The following PDGFD variants were observed in gnomAD, a reference collection of about 807,000 sequenced individuals.
The protein encoded by PDGFD is platelet derived growth factor D, also known as platelet-derived growth factor D.
In PDGFD, 30 loss-of-function variants were observed where a neutral mutation model predicts 44.7. The observed-to-expected ratio is 0.67, with a 90% CI of 0.50 to 0.91. PDGFD has a LOEUF of 0.91. Among genes scored for constraint, PDGFD ranks in the 40% least tolerant of loss-of-function variants. The probability of loss-of-function intolerance (pLI) is 0.00; values close to 1 mark genes in which losing one functional copy is unlikely to be tolerated. For missense variants in PDGFD, 445 were observed against 457.8 expected (o/e 0.97, Z 0.25); for synonymous variants, 173 against 168.4 (o/e 1.03, Z -0.21).
At chr11:104,037,672 C>G in intron 1 of PDGFD, 2 of 1,614,028 alleles carry the variant, frequency 1.2e-6, no homozygotes, top group East Asian at 2.2e-5. Context: ...GCTGGTGGAC[C>G]GACGGTGGGC....
intron 3 of PDGFD, among the ~76,000 whole-genome samples, chr11:103,960,321 GGATTAGCTGA>G (rs1195936640): frequency 5.9e-5 from 9 of 152,206 alleles, no homozygotes; most frequent in African/African-American, 1.9e-4. Flanking sequence ...CCACGCCCAA[GGATTAGCTGA>G]GATATTCTTT....
chr11:104,129,642 A>G (rs576001756), intron 1 of PDGFD, among the ~76,000 whole-genome samples: 2 of 152,294 alleles, frequency 1.3e-5, no homozygotes, highest in Non-Finnish European at 2.9e-5. Flanking sequence ...ATCCTCCTAA[A>G]GAAGAAACTT....
At chr11:104,085,661 A>G (rs12790733) in intron 1 of PDGFD, among the ~76,000 whole-genome samples, 1 of 152,304 alleles carries the variant, frequency 6.6e-6, no homozygotes, top group East Asian at 1.9e-4. Flanking sequence ...AAATACTGAT[A>G]TTTTCAAAAT....
intron 1 of PDGFD, among the ~76,000 whole-genome samples, chr11:104,136,288 C>G (rs1339663657): frequency 6.6e-6 from 1 of 152,134 alleles, no homozygotes; most frequent in East Asian, 1.9e-4. Flanking sequence ...TCTAAAGAAA[C>G]AAAGTATTTC....
At chr11:104,092,526 G>A (rs1019996164) in intron 1 of PDGFD, among the ~76,000 whole-genome samples, 2 of 151,996 alleles carry the variant, frequency 1.3e-5, no homozygotes, top group African/African-American at 4.8e-5. Flanking sequence ...CAACTGAAAC[G>A]ATATTCTGAC....
chr11:104,129,135 CA>C (rs766784653), intron 1 of PDGFD, among the ~76,000 whole-genome samples: 1 of 152,006 alleles, frequency 6.6e-6, no homozygotes, highest in Non-Finnish European at 1.5e-5. Flanking sequence ...AGGAACCTGA[CA>C]GAGCATAATA....
chr11:103,931,083 GGACA>G (rs1858393222), intron 5 of PDGFD, among the ~76,000 whole-genome samples: 1 of 152,032 alleles, frequency 6.6e-6, no homozygotes, highest in Non-Finnish European at 1.5e-5. Context: ...AGTTTCTGTA[GGACA>G]GATAAAACCA....
chr11:104,118,058 A>G (rs1861667215), intron 1 of PDGFD, among the ~76,000 whole-genome samples: 1 of 151,944 alleles, frequency 6.6e-6, no homozygotes, highest in South Asian at 2.1e-4. Flanking sequence ...ATTAATTCCA[A>G]GAGTGTTTTT....
At position 103,935,714 on chromosome 11, in the gene PDGFD, T is replaced by C. The variant is rs139572549; in HGVS notation, c.772+7738A>G. Among the ~76,000 whole-genome samples, 113 of 152,322 alleles carry C rather than the reference T, an allele frequency of 7.4e-4. No individual in the cohort carries two copies. The East Asian group carries it at 9.8e-3, about 13-fold the overall frequency. On this transcript the variant is annotated intron_variant, in intron 5 of 6. Transcript: ENST00000393158. ...AGAGCAATTAATAGAAATATCTTGG[T>C]TCTGTGCAGAGTTTTGCAAGCAATT... is the stretch of plus-strand genomic sequence containing the variant.
chr11:103,996,278 G>A (rs1426050730), intron 2 of PDGFD, 33 bp from the exon 3 acceptor site: 1 of 1,534,288 alleles, frequency 6.5e-7, no homozygotes, highest in South Asian at 1.2e-5. Context: ...AACAAGTTTT[G>A]ATTAAAGTAG....
intron 1 of PDGFD, among the ~76,000 whole-genome samples, chr11:104,151,456 A>T (rs1862244186): frequency 6.6e-6 from 1 of 152,152 alleles, no homozygotes; most frequent in African/African-American, 2.4e-5. Context: ...ATAGGTTCCC[A>T]TTGTTCTTAG....
At chr11:103,995,277 T>C (rs1224939289) in intron 3 of PDGFD, among the ~76,000 whole-genome samples, 2 of 152,172 alleles carry the variant, frequency 1.3e-5, no homozygotes, top group African/African-American at 2.4e-5. Flanking sequence ...ATCTACTACA[T>C]CTACCAGAGT....
At chr11:104,136,706 T>C (rs1386196555) in intron 1 of PDGFD, among the ~76,000 whole-genome samples, 1 of 152,194 alleles carries the variant, frequency 6.6e-6, no homozygotes. Flanking sequence ...TTTCCAATAG[T>C]AAATAACATG....
chr11:103,955,640 G>A (rs921967180), intron 3 of PDGFD, among the ~76,000 whole-genome samples: 4 of 152,100 alleles, frequency 2.6e-5, no homozygotes, highest in Non-Finnish European at 5.9e-5. Context: ...TTTAATACAA[G>A]GATATCAAGA....
chr11:104,135,018 G>T (rs1231923789), intron 1 of PDGFD, among the ~76,000 whole-genome samples: 1 of 152,182 alleles, frequency 6.6e-6, no homozygotes, highest in African/African-American at 2.4e-5. Flanking sequence ...GGAGGAGCAG[G>T]GCATCCACTG....
chr11:104,119,920 A>G (rs1411781132), intron 1 of PDGFD, among the ~76,000 whole-genome samples: 1 of 135,798 alleles, frequency 7.4e-6, no homozygotes, highest in East Asian at 2.1e-4. Context: ...CAATTATTAT[A>G]TATTATATAA....
intron 1 of PDGFD, among the ~76,000 whole-genome samples, chr11:104,028,574 T>A (rs527534069): frequency 6.6e-6 from 1 of 151,484 alleles, no homozygotes; most frequent in African/African-American, 2.4e-5. Context: ...TTCATTTTTT[T>A]ATGTCAGTTG....
intron 4 of PDGFD, among the ~76,000 whole-genome samples, chr11:103,944,972 C>T (rs1170696538): frequency 6.6e-6 from 1 of 151,936 alleles, no homozygotes; most frequent in Non-Finnish European, 1.5e-5. Context: ...TACAAGAAAC[C>T]ATACATCTAA....
At chr11:104,057,740 T>C (rs959572499) in intron 1 of PDGFD, among the ~76,000 whole-genome samples, 7 of 152,108 alleles carry the variant, frequency 4.6e-5, no homozygotes, top group African/African-American at 1.4e-4. Flanking sequence ...TAAAACAAAA[T>C]GGAAGTCTCA....
Sources: gnomAD v4.1 joint callset for allele counts (sites outside exome capture counted in the v4.1 genomes callset) on GRCh38, gnomAD v4.1.1 for gene constraint, MANE v1.5 for transcripts, NCBI Gene and HGNC (gene_info 2026-07-23, HGNC 2026-07-21) for gene names.